Variants in ACTN2 observed in about 807,000 individuals in gnomAD.
The protein encoded by ACTN2 is alpha-actinin-2.
ACTN2 carries 39 observed loss-of-function variants against 113.8 expected under a neutral mutation model. That is an observed-to-expected ratio of 0.34 (90% CI 0.27 to 0.45). ACTN2 has a LOEUF of 0.45. ACTN2 is among the 20% of genes least tolerant of loss of function. ACTN2 has a pLI of 1.00. For missense variants in ACTN2, 992 were observed against 1,177.9 expected, an observed-to-expected ratio of 0.84 and a Z score of 2.31; for synonymous variants, 429 against 444.1, an observed-to-expected ratio of 0.97 and a Z score of 0.43.
At chr1:236,758,124 A>T (rs1357526316) in intron 18 of ACTN2, among the ~76,000 whole-genome samples, 1 of 152,138 alleles carries the variant, frequency 6.6e-6, no homozygotes, top group African/African-American at 2.4e-5. Flanking sequence ...AATGGTGATA[A>T]TTTTTGTAGT....
chr1:236,723,704 G>A (rs1432116212), intron 4 of ACTN2, among the ~76,000 whole-genome samples: 2 of 152,206 alleles, frequency 1.3e-5, no homozygotes, highest in East Asian at 3.9e-4. Context: ...TAATCCACCA[G>A]CCTCGGCCTC....
chr1:236,759,868 A>C, intron 19 of ACTN2, 79 bp downstream of exon 19: 15 of 1,360,008 alleles, frequency 1.1e-5, no homozygotes, highest in Non-Finnish European at 1.6e-5. Flanking sequence ...TGACAAGCTC[A>C]AACCAAGGTA....
At chr1:236,723,171 C>T (rs1658451253) in intron 4 of ACTN2, among the ~76,000 whole-genome samples, 3 of 152,146 alleles carry the variant, frequency 2.0e-5, no homozygotes, top group African/African-American at 7.2e-5. Context: ...TAAATACATC[C>T]CATTATTTCT....
rs2102939461 is a variant in ACTN2, at chr1:236,751,487, T to C, written c.1674T>C (p.His558=). 2 of 1,614,132 alleles carry C rather than the reference T, an allele frequency of 1.2e-6. No individual in the cohort carries two copies. Among genetic ancestry groups the C allele is most frequent in the Non-Finnish European group, 1.7e-6 (2 of 1,180,034 alleles). The change falls in exon 15 of 21, where the codon CAT becomes CAC. Residue 558 remains histidine (H), a synonymous_variant. Transcript: ENST00000366578. ...IEEIQSLITA[H]EQFKATLPEA... ...GGGTGTAGAGTCTGATCACTGCGCA[T>C]GAGCAGTTCAAGGCCACGCTGCCCG...
At chr1:236,739,082 T>G (rs949849466) in intron 9 of ACTN2, among the ~76,000 whole-genome samples, 1 of 152,114 alleles carries the variant, frequency 6.6e-6, no homozygotes, top group Non-Finnish European at 1.5e-5. Context: ...CGTGCTCACT[T>G]TAAGTTTTCG....
At chr1:236,711,172 C>G (rs1416280407) in intron 1 of ACTN2, among the ~76,000 whole-genome samples, 1 of 152,202 alleles carries the variant, frequency 6.6e-6, no homozygotes, top group Non-Finnish European at 1.5e-5. Context: ...CAGGGACTCA[C>G]TGGTTGCAAT....
chr1:236,725,559 A>G (rs764873797), intron 4 of ACTN2, among the ~76,000 whole-genome samples: 3 of 152,150 alleles, frequency 2.0e-5, no homozygotes, highest in Admixed American at 1.3e-4. Context: ...CCCGGGAGGC[A>G]GAGGTTGCAG....
intron 1 of ACTN2, among the ~76,000 whole-genome samples, chr1:236,705,682 A>G (rs1331998021): frequency 1.3e-5 from 2 of 152,258 alleles, no homozygotes; most frequent in South Asian, 2.1e-4. Flanking sequence ...TTTTCCCTGT[A>G]TAAAGTTGCC....
intron 2 of ACTN2, 39 bp downstream of exon 2, chr1:236,718,011 A>T (rs764675356): frequency 6.8e-7 from 1 of 1,471,050 alleles, no homozygotes; most frequent in East Asian, 2.3e-5. Flanking sequence ...TTCATGTGTT[A>T]TCAGTAGGTG....
At position 236,725,990 on chromosome 1, in the gene ACTN2, G is replaced by A; in HGVS notation, c.506G>A (p.Arg169Lys). ...TGTCAGAGGAAAACTGCTCCTTATA[G>A]AAATGTGAACATTCAGAACTTCCAT... Reference protein sequence around the residue: ...LWCQRKTAPYRNVNIQNFHTS... With the variant: ...LWCQRKTAPYKNVNIQNFHTS... The change falls in exon 5 of 21, where the codon AGA becomes AAA. Residue 169 changes from arginine (R) to lysine (K), a missense_variant. Physicochemically the swap from Arg to Lys is conservative, Grantham distance 26 (BLOSUM62 2). Transcript: ENST00000366578. 2 of 1,614,186 alleles carry A rather than the reference G, an allele frequency of 1.2e-6. No individual in the cohort carries two copies. Among genetic ancestry groups the A allele is most frequent in the Non-Finnish European group, 1.7e-6 (2 of 1,180,018 alleles).
chr1:236,738,531 C>T lies in ACTN2; in HGVS notation c.877-771C>T, dbSNP rs1169103917. On this transcript the variant is annotated intron_variant, in intron 9 of 20. Coordinates refer to ENST00000366578, the MANE Select transcript of ACTN2 (RefSeq NM_001103.4). ...GAAGGCCAGAGGATCCTTAGGAATT[C>T]AATTCTTCCTTTTCTTACTGGGTCC... is the stretch of plus-strand genomic sequence containing the variant. Among the ~76,000 whole-genome samples, 6 of 152,336 alleles carry T rather than the reference C, an allele frequency of 3.9e-5. No individual in the cohort carries two copies. In the East Asian group the frequency reaches 1.2e-3, roughly 29 times the overall value.
rs761746621 is a variant in ACTN2 at position 236,725,993 on chromosome 1, AT to A, written c.510del (p.Asn170LysfsTer2). ...WCQRKTAPYR[N>X]VNIQNFHTSW... is the part of the protein sequence containing the mutation. ...CAGAGGAAAACTGCTCCTTATAGAA[AT>A]GTGAACATTCAGAACTTCCATACTA... On this transcript the variant is annotated frameshift_variant, in exon 5 of 21. Transcript: ENST00000366578. LOFTEE classifies it high-confidence loss of function. 1 of 1,614,194 alleles carries A rather than the reference AT, an allele frequency of 6.2e-7. No homozygotes were observed. Among genetic ancestry groups the A allele is most frequent in the South Asian group, 1.1e-5 (1 of 91,082 alleles).
chr1:236,745,820 C>T lies in ACTN2; in HGVS notation c.1406+1044C>T, dbSNP rs1034669398. ...TTTAGAGCCTGTCACATAATGGTAA[C>T]TTCAAAAATTAAATAATAAAAATTT... On this transcript the variant is annotated intron_variant, in intron 12 of 20. Transcript: ENST00000366578. Among the ~76,000 whole-genome samples the T allele has an allele frequency of 3.9e-5, 6 of 152,212 alleles. No individual in the cohort carries two copies. In the East Asian group the frequency reaches 1.2e-3, roughly 29 times the overall value.
At chr1:236,701,128 A>G (rs1657660473) in intron 1 of ACTN2, among the ~76,000 whole-genome samples, 2 of 152,112 alleles carry the variant, frequency 1.3e-5, no homozygotes, top group Admixed American at 1.3e-4. Context: ...AGGAATTATA[A>G]ATAGCACCTC....
intron 10 of ACTN2, among the ~76,000 whole-genome samples, chr1:236,741,427 G>T (rs948724531): frequency 7.2e-5 from 11 of 152,172 alleles, no homozygotes; most frequent in South Asian, 2.1e-4. Context: ...TTCCAGGCCA[G>T]TATATCCACC....
In ACTN2 at chr1:236,747,729, G is replaced by A. The variant is rs1572140129; in HGVS notation, c.1469G>A (p.Trp490Ter). 1 of 1,614,112 alleles carries A rather than the reference G, an allele frequency of 6.2e-7. No individual in the cohort carries two copies. The highest frequency in any genetic ancestry group is 8.5e-7 in the Non-Finnish European group (1 of 1,179,976). The change falls in exon 13 of 21, where the codon TGG becomes TAG. Residue 490 changes from tryptophan (W) to a stop codon, truncating the protein, a stop_gained. Transcript: ENST00000366578. LOFTEE classifies it high-confidence loss of function. ...NDRCQKICDQWDRLGTLTQKR... is the reference protein window; with the variant it reads ...NDRCQKICDQ ...CGGTGCCAGAAAATTTGTGACCAGT[G>A]GGACCGACTGGGAACGCTTACTCAG... is the stretch of plus-strand genomic sequence containing the variant.
At chr1:236,695,563 T>TCCCACCCC (rs1657467960) in intron 1 of ACTN2, among the ~76,000 whole-genome samples, 2 of 100,796 alleles carry the variant, frequency 2.0e-5, no homozygotes, top group Non-Finnish European at 1.9e-5. Context: ...TGAAATGAGT[T>TCCCACCCC]CCCCCCCCCT....
At chr1:236,730,676 A>G (rs1458377161) in intron 6 of ACTN2, among the ~76,000 whole-genome samples, 1 of 152,162 alleles carries the variant, frequency 6.6e-6, no homozygotes, top group Non-Finnish European at 1.5e-5. Flanking sequence ...AATTTTAAGA[A>G]CAAAATTTTT....
chr1:236,759,519 C>CTT (rs1659643201), intron 18 of ACTN2, among the ~76,000 whole-genome samples: 1 of 151,520 alleles, frequency 6.6e-6, no homozygotes, highest in Non-Finnish European at 1.5e-5. Context: ...TGGTCTTTAC[C>CTT]CTCCTCTCCC....
Sources: gnomAD v4.1 joint callset for allele counts (sites outside exome capture counted in the v4.1 genomes callset) on GRCh38, gnomAD v4.1.1 for gene constraint, MANE v1.5 for transcripts, NCBI Gene and HGNC (gene_info 2026-07-23, HGNC 2026-07-21) for gene names.